EXPH5: variants seen among roughly 807,000 people sequenced by gnomAD.
EXPH5 encodes exophilin 5, also known as exophilin-5.
Under a neutral mutation model 41.1 loss-of-function variants are expected in EXPH5, and 42 were observed. The observed-to-expected ratio is 1.02, with a 90% CI of 0.80 to 1.32. The LOEUF is 1.32. EXPH5 is among the 40% of genes most tolerant of loss of function. EXPH5 has a pLI of 0.00. For synonymous variants in EXPH5, 798 were observed against 833.5 expected (o/e 0.96, Z 0.73); for missense variants, 2,298 against 2,314.5 (o/e 0.99, Z 0.15).
At chr11:108,578,533 A>G (rs2094087135) in intron 1 of EXPH5, among the ~76,000 whole-genome samples, 2 of 152,098 alleles carry the variant, frequency 1.3e-5, no homozygotes, top group African/African-American at 2.4e-5. Context: ...TTGTGGTTCC[A>G]TCTTCATTTT....
upstream of EXPH5, among the ~76,000 whole-genome samples, chr11:108,593,902 C>T (rs999465931): frequency 6.6e-6 from 1 of 151,494 alleles, no homozygotes. Context: ...CCCTCCCCGC[C>T]CCCTATCTGA....
At position 108,509,655 on chromosome 11, in the gene EXPH5, G is replaced by GAT; in HGVS notation, c.5850_5851dup (p.Ser1951TyrfsTer56). On this transcript the variant is annotated frameshift_variant, in exon 6 of 6. Coordinates refer to ENST00000265843, the MANE Select transcript of EXPH5 (RefSeq NM_015065.3). LOFTEE classifies it high-confidence loss of function. ...ATAGATATTAAGCGGTTCACTTGGA[G>GAT]ATAAGCCATCTTCTGGCACCTGACT... The GAT allele has an allele frequency of 6.2e-7, 1 of 1,614,010 alleles. No homozygotes were observed. Among genetic ancestry groups the GAT allele is most frequent in the Non-Finnish European group, 8.5e-7 (1 of 1,179,970 alleles).
rs889506182 is a variant in EXPH5 at position 108,514,692 on chromosome 11, T to C, written c.815A>G (p.Tyr272Cys). 2.5e-6 allele frequency: 4 copies of C among 1,605,120 alleles called. No homozygotes were observed. The highest frequency in any genetic ancestry group is 3.4e-6 in the Non-Finnish European group (4 of 1,176,900). ...HYNETSNMSIYDILRPGTPRE... is the reference protein window; with the variant it reads ...HYNETSNMSICDILRPGTPRE... ...AGGAGTTCCTGGTCTTAGGATGTCA[T>C]AGATAGACATATTGGAAGTTTCATT... is the stretch of plus-strand genomic sequence containing the variant. The change falls in exon 6 of 6, where the codon TAT (tyrosine) becomes TGT (cysteine). Residue 272 changes from tyrosine (Y) to cysteine (C), a missense_variant. Physicochemically the swap from Tyr to Cys is radical, Grantham distance 194. Transcript: ENST00000265843.
chr11:108,550,163 G>A (rs1453821676), intron 1 of EXPH5, among the ~76,000 whole-genome samples: 1 of 152,226 alleles, frequency 6.6e-6, no homozygotes, highest in African/African-American at 2.4e-5. Flanking sequence ...TATGGTGGAA[G>A]TGAAACTGAG....
In EXPH5 at chr11:108,539,187, C is replaced by T; in HGVS notation, c.281-1G>A. The T allele has an allele frequency of 1.3e-6, 2 of 1,553,824 alleles. No individual in the cohort carries two copies. The highest frequency in any genetic ancestry group is 1.7e-6 in the Non-Finnish European group (2 of 1,150,290). The stretch of plus-strand genomic sequence containing the variant: ...CTTGATGTAGGTAATTCTATCGGAT[C>T]TAGAAAAAAAAATTGTAAAAATTTT... On this transcript the variant is annotated splice_acceptor_variant, in intron 2 of 5. Coordinates refer to ENST00000265843, the MANE Select transcript of EXPH5 (RefSeq NM_015065.3). LOFTEE classifies it high-confidence loss of function.
chr11:108,601,024 C>G, the EXPH5 span, among the ~76,000 whole-genome samples: 1 of 152,316 alleles, frequency 6.6e-6, no homozygotes, highest in East Asian at 1.9e-4. Context: ...TCGGCAAGAA[C>G]TGTTCACCAT....
intron 1 of EXPH5, among the ~76,000 whole-genome samples, chr11:108,578,250 A>C (rs188584835): frequency 6.6e-6 from 1 of 152,334 alleles, no homozygotes; most frequent in Non-Finnish European, 1.5e-5. Context: ...ATTCTTCTGC[A>C]TATGGATATT....
upstream of EXPH5, among the ~76,000 whole-genome samples, chr11:108,598,755 G>A (rs1199367831): frequency 3.3e-5 from 5 of 152,154 alleles, no homozygotes; most frequent in South Asian, 2.1e-4. Flanking sequence ...TCTCTGGACC[G>A]TGGTAAATAT....
intron 4 of EXPH5, among the ~76,000 whole-genome samples, chr11:108,525,303 T>G (rs1301351657): frequency 6.6e-6 from 1 of 152,110 alleles, no homozygotes; most frequent in African/African-American, 2.4e-5. Flanking sequence ...AAAAGCCCAG[T>G]GTAAGAAGTG....
chr11:108,604,026 AAAG>A, the EXPH5 span, among the ~76,000 whole-genome samples: 9 of 152,166 alleles, frequency 5.9e-5, no homozygotes, highest in African/African-American at 2.2e-4. Flanking sequence ...TCAGGTCAGA[AAAG>A]AAGATCTGAT....
At chr11:108,526,447 C>A (rs565151682) in intron 4 of EXPH5, among the ~76,000 whole-genome samples, 14 of 152,330 alleles carry the variant, frequency 9.2e-5, no homozygotes, top group African/African-American at 3.4e-4. Flanking sequence ...CAGGCATTTG[C>A]CTTTCTTTTT....
In EXPH5 at chr11:108,513,824, A is replaced by C. The variant is rs2093701739; in HGVS notation, c.1683T>G (p.Asp561Glu). 6.2e-7 allele frequency: 1 copy of C among 1,607,086 alleles called. No individual in the cohort carries two copies. Among genetic ancestry groups the C allele is most frequent in the East Asian group, 2.2e-5 (1 of 44,878 alleles). The stretch of plus-strand genomic sequence containing the variant: ...CATTACCATGTGATACCACCATGCT[A>C]TCCAGTGTGGATCTCTGAAAATCAA... ...WQFDFQRSTL[D>E]SMVVSHGNET... Residue 561 changes from aspartate to glutamate, a missense_variant, in exon 6 of 6, where the codon GAT becomes GAG. Asp to Glu is a conservative substitution (Grantham distance 45). Coordinates refer to ENST00000265843, the MANE Select transcript of EXPH5 (RefSeq NM_015065.3).
Position 108,513,532 on chromosome 11 carries a change from T to A in EXPH5, c.1975A>T (p.Asn659Tyr), listed in dbSNP as rs1206795842. ...PTVTLQKIFP[N>Y]KPASHPMRSH... Reference sequence around the variant, plus strand: ...CTCATTGGATGAGAGGCAGGCTTATTTGGAAAAATTTTCTGCAAAGTGACT... The same window carrying A: ...CTCATTGGATGAGAGGCAGGCTTATATGGAAAAATTTTCTGCAAAGTGACT... Residue 659 changes from asparagine to tyrosine, a missense_variant, in exon 6 of 6, where the codon AAT becomes TAT. Asn to Tyr is a moderately radical substitution (Grantham distance 143). Coordinates refer to ENST00000265843, the MANE Select transcript of EXPH5 (RefSeq NM_015065.3). 1 of 1,614,094 alleles carries A rather than the reference T, an allele frequency of 6.2e-7. No individual in the cohort carries two copies. Among genetic ancestry groups the A allele is most frequent in the Non-Finnish European group, 8.5e-7 (1 of 1,180,046 alleles).
At chr11:108,549,697 C>T (rs1025717806) in intron 1 of EXPH5, among the ~76,000 whole-genome samples, 11 of 152,206 alleles carry the variant, frequency 7.2e-5, no homozygotes, top group African/African-American at 2.7e-4. Context: ...TCTTGAGTTA[C>T]TATCAGGTAG....
In EXPH5 at chr11:108,512,164, G is replaced by T. The variant is rs748610634; in HGVS notation, c.3343C>A (p.Leu1115Ile). 15 of 1,612,628 alleles carry T rather than the reference G, an allele frequency of 9.3e-6. No homozygotes were observed. The highest frequency in any genetic ancestry group is 1.7e-4 in the Middle Eastern group (1 of 6,056). ...SGSTSVRKGP[L>I]PFLINRAMSC... Reference sequence around the variant, plus strand: ...ATAGCCCTGTTGATGAGGAATGGAAGTGGTCCTTTTCTAACGGAAGTAGAT... The same window carrying T: ...ATAGCCCTGTTGATGAGGAATGGAATTGGTCCTTTTCTAACGGAAGTAGAT... The change falls in exon 6 of 6, where the codon CTT becomes ATT. Residue 1115 changes from leucine (L) to isoleucine (I), a missense_variant. Physicochemically the swap from Leu to Ile is conservative, Grantham distance 5. Coordinates refer to ENST00000265843, the MANE Select transcript of EXPH5 (RefSeq NM_015065.3).
chr11:108,539,013 GT>G lies in EXPH5; in HGVS notation c.443+10del. 5 of 1,572,080 alleles carry G rather than the reference GT, an allele frequency of 3.2e-6. No individual in the cohort carries two copies. The highest frequency in any genetic ancestry group is 4.3e-6 in the Non-Finnish European group (5 of 1,156,880). On this transcript the variant is annotated intron_variant, in intron 3 of 5. Transcript: ENST00000265843. ...ACAAATGGGCCGTAACATGACCTGAGTTTAACTCACCCTTTCTGTCCCAGTG... is the reference window on the plus strand; with the variant it reads ...ACAAATGGGCCGTAACATGACCTGAGTTAACTCACCCTTTCTGTCCCAGTG...
At chr11:108,570,247 T>C (rs535071350) in intron 1 of EXPH5, among the ~76,000 whole-genome samples, 4 of 92,426 alleles carry the variant, frequency 4.3e-5, no homozygotes, top group Admixed American at 1.1e-4. Context: ...TTTTAAAAAA[T>C]AAAAAAAATT....
chr11:108,535,068 A>G (rs538405024), intron 3 of EXPH5, among the ~76,000 whole-genome samples: 28 of 152,340 alleles, frequency 1.8e-4, no homozygotes, highest in African/African-American at 5.1e-4. Context: ...AAGGAAAGCT[A>G]TCACCTGGCT....
chr11:108,606,107 T>C, the EXPH5 span, among the ~76,000 whole-genome samples: 1 of 152,174 alleles, frequency 6.6e-6, no homozygotes. Context: ...TAGCTCACTG[T>C]TACCTCGAAC....
Sources: gnomAD v4.1 joint callset for allele counts (sites outside exome capture counted in the v4.1 genomes callset) on GRCh38, gnomAD v4.1.1 for gene constraint, MANE v1.5 for transcripts, NCBI Gene and HGNC (gene_info 2026-07-23, HGNC 2026-07-21) for gene names.